The following PTPRK variants were observed in gnomAD, a reference collection of about 807,000 sequenced individuals.
The protein encoded by PTPRK is receptor-type tyrosine-protein phosphatase kappa.
In PTPRK, 75 loss-of-function variants were observed where a neutral mutation model predicts 178.0. The observed-to-expected ratio is 0.42, with a 90% CI of 0.35 to 0.51. The LOEUF (loss-of-function observed/expected upper bound fraction) is 0.51. PTPRK is among the 20% of genes least tolerant of loss of function. The pLI, the probability that PTPRK is intolerant of heterozygous loss-of-function variation, is 0.02. For synonymous variants in PTPRK, 637 were observed against 620.6 expected (o/e 1.03, Z -0.39); for missense variants, 1,441 against 1,797.8 (o/e 0.80, Z 3.59).
intron 10 of PTPRK, among the ~76,000 whole-genome samples, chr6:128,079,764 A>G (rs528026542): frequency 1.3e-5 from 2 of 152,214 alleles, no homozygotes; most frequent in South Asian, 4.1e-4. Flanking sequence ...AATTAAAAGT[A>G]GGAATTCACA....
chr6:128,113,696 T>C (rs972319235), intron 7 of PTPRK, among the ~76,000 whole-genome samples: 2 of 152,040 alleles, frequency 1.3e-5, no homozygotes, highest in South Asian at 2.1e-4. Context: ...CTTGTGTATA[T>C]TGAAAGACAG....
chr6:128,478,011 C>T lies in PTPRK; in HGVS notation c.100+42248G>A, dbSNP rs1314421608. On this transcript the variant is annotated intron_variant, in intron 1 of 29. Transcript: ENST00000368226. ...GTGTAAAGATACAATTTAAGTATCA[C>T]CTTACTTAGGGCAAATGTGTGGAAC... Among the ~76,000 whole-genome samples the T allele has an allele frequency of 2.6e-5, 4 of 152,024 alleles. No individual in the cohort carries two copies. The East Asian group carries it at 7.7e-4, about 29-fold the overall frequency.
intron 3 of PTPRK, among the ~76,000 whole-genome samples, chr6:128,297,537 A>G (rs546521988): frequency 6.6e-6 from 1 of 152,370 alleles, no homozygotes; most frequent in South Asian, 2.1e-4. Context: ...CTCAGACCAC[A>G]GTGCAATCAA....
chr6:128,222,349 G>C (rs1442746080), intron 5 of PTPRK, among the ~76,000 whole-genome samples: 1 of 152,114 alleles, frequency 6.6e-6, no homozygotes, highest in Non-Finnish European at 1.5e-5. Context: ...CCATTTTCCT[G>C]GTTCCTAACT....
At chr6:128,094,138 T>C (rs73584676) in intron 7 of PTPRK, among the ~76,000 whole-genome samples, 6,458 of 152,154 alleles carry the variant, frequency 0.042, 460 homozygotes, top group African/African-American at 0.15. Context: ...ATATAGGAGA[T>C]AATACAGGAA....
chr6:128,434,215 C>T (rs1031286968), intron 1 of PTPRK, among the ~76,000 whole-genome samples: 8 of 152,020 alleles, frequency 5.3e-5, no homozygotes, highest in Admixed American at 1.3e-4. Context: ...ACAACCTCTC[C>T]GATGAGGCAG....
At chr6:128,485,533 G>A (rs1852687343) in intron 1 of PTPRK, among the ~76,000 whole-genome samples, 1 of 152,160 alleles carries the variant, frequency 6.6e-6, no homozygotes, top group South Asian at 2.1e-4. Context: ...CAGTCATGAA[G>A]AGACACAGAG....
intron 1 of PTPRK, among the ~76,000 whole-genome samples, chr6:128,465,188 C>T (rs558040214): frequency 1.2e-4 from 17 of 146,748 alleles, no homozygotes; most frequent in South Asian, 2.1e-4. Context: ...AAAAGCTTTA[C>T]GTAAAAAAAG....
At chr6:128,201,698 A>C (rs1168553641) in intron 6 of PTPRK, among the ~76,000 whole-genome samples, 1 of 152,086 alleles carries the variant, frequency 6.6e-6, no homozygotes, top group Non-Finnish European at 1.5e-5. Context: ...ATCTCTATTA[A>C]AAAATATATA....
chr6:128,332,644 A>T (rs1463450521), intron 2 of PTPRK, among the ~76,000 whole-genome samples: 2 of 152,216 alleles, frequency 1.3e-5, no homozygotes, highest in Non-Finnish European at 2.9e-5. Context: ...ACAATGTTAA[A>T]GGGTGGTACA....
intron 16 of PTPRK, among the ~76,000 whole-genome samples, chr6:127,997,493 A>G (rs1033328105): frequency 1.3e-5 from 2 of 152,086 alleles, no homozygotes; most frequent in Non-Finnish European, 2.9e-5. Context: ...ACAACAAGGG[A>G]CCATATAAAA....
chr6:128,414,345 G>T (rs978032402), intron 1 of PTPRK, among the ~76,000 whole-genome samples: 1 of 152,100 alleles, frequency 6.6e-6, no homozygotes, highest in Non-Finnish European at 1.5e-5. Flanking sequence ...CGTCTCCATC[G>T]CGGGACCCCT....
chr6:127,985,588 T>C (rs1236679003), intron 22 of PTPRK, 133 bp downstream of exon 22: 21 of 1,033,650 alleles, frequency 2.0e-5, no homozygotes, highest in Non-Finnish European at 2.6e-5. Flanking sequence ...TTTATTGCTG[T>C]TTTACTTTAT....
chr6:128,247,867 AC>A (rs1001716426), intron 3 of PTPRK, among the ~76,000 whole-genome samples: 1 of 151,784 alleles, frequency 6.6e-6, no homozygotes, highest in Non-Finnish European at 1.5e-5. Flanking sequence ...TAAAAACCTA[AC>A]CCCCCAATCC....
At chr6:128,144,624 T>C (rs1235254036) in intron 7 of PTPRK, among the ~76,000 whole-genome samples, 1 of 152,180 alleles carries the variant, frequency 6.6e-6, no homozygotes, top group Non-Finnish European at 1.5e-5. Flanking sequence ...TTTTTTTCAA[T>C]AGCACTTAAA....
At chr6:128,499,220 G>A (rs1039978628) in intron 1 of PTPRK, among the ~76,000 whole-genome samples, 1 of 151,978 alleles carries the variant, frequency 6.6e-6, no homozygotes, top group South Asian at 2.1e-4. Context: ...AAAAGACTGT[G>A]TAAAAAGTAC....
intron 3 of PTPRK, among the ~76,000 whole-genome samples, chr6:128,271,577 G>A (rs1292523007): frequency 6.6e-6 from 1 of 152,064 alleles, no homozygotes; most frequent in Non-Finnish European, 1.5e-5. Context: ...AAAAAGAAAG[G>A]TCTGATCAGG....
intron 2 of PTPRK, among the ~76,000 whole-genome samples, chr6:128,338,762 C>T (rs1831280946): frequency 6.6e-6 from 1 of 152,126 alleles, no homozygotes; most frequent in Admixed American, 6.6e-5. Flanking sequence ...GTGATTTGGT[C>T]ACCTGTTGAT....
chr6:128,257,110 A>C (rs1490272851), intron 3 of PTPRK, among the ~76,000 whole-genome samples: 1 of 151,850 alleles, frequency 6.6e-6, no homozygotes, highest in Non-Finnish European at 1.5e-5. Flanking sequence ...CATGCCTGTA[A>C]TCCCAGCTAC....
Sources: gnomAD v4.1 joint callset for allele counts (sites outside exome capture counted in the v4.1 genomes callset) on GRCh38, gnomAD v4.1.1 for gene constraint, MANE v1.5 for transcripts, NCBI Gene and HGNC (gene_info 2026-07-23, HGNC 2026-07-21) for gene names.